Variants in STARD9 observed in about 807,000 individuals in gnomAD.
The protein encoded by STARD9 is stAR-related lipid transfer protein 9.
Under a neutral mutation model 399.8 loss-of-function variants are expected in STARD9, and 346 were observed. That is an observed-to-expected ratio of 0.87 (90% CI 0.79 to 0.95). STARD9 has a LOEUF of 0.95. Ranked by LOEUF, STARD9 falls within the 40% of genes least tolerant of loss-of-function variation. The probability of loss-of-function intolerance (pLI) is 0.00; values close to 1 mark genes in which losing one functional copy is unlikely to be tolerated. For synonymous variants in STARD9, 2,203 were observed against 2,143.5 expected (o/e 1.03, Z -0.77); for missense variants, 5,832 against 5,667.5 (o/e 1.03, Z -0.93).
chr15:42,652,541 T>G lies in STARD9; in HGVS notation c.651T>G (p.Val217=). ...ACAGAATCACAGCAGCCACCCATGT[T>G]CATGAGGCCAGCAGCAGATCCCACG... ...IANRITAATH[V]HEASSRSHAI... is the part of the protein sequence containing the mutation. Residue 217 remains valine (V), a synonymous_variant, in exon 9 of 33, where the codon GTT becomes GTG. Coordinates refer to ENST00000290607, the MANE Select transcript of STARD9 (RefSeq NM_020759.3). 6.5e-7 allele frequency: 1 copy of G among 1,537,536 alleles called. No individual in the cohort carries two copies. The highest frequency in any genetic ancestry group is 1.7e-4 in the Middle Eastern group (1 of 5,990).
intron 3 of STARD9, among the ~76,000 whole-genome samples, chr15:42,602,706 G>A (rs2058651960): frequency 2.0e-5 from 3 of 152,194 alleles, no homozygotes; most frequent in African/African-American, 7.2e-5. Flanking sequence ...GCAAACAGAG[G>A]TTAGGGTGAA....
At position 42,686,261 on chromosome 15, in the gene STARD9, A is replaced by G; in HGVS notation, c.4683A>G (p.Lys1561=). The G allele has an allele frequency of 2.0e-6, 3 of 1,537,788 alleles. No individual in the cohort carries two copies. The highest frequency in any genetic ancestry group is 2.6e-6 in the Non-Finnish European group (3 of 1,147,032). Residue 1561 remains lysine, a synonymous_variant, in exon 23 of 33, where the codon AAA becomes AAG. Transcript: ENST00000290607. ...GAATCAGGCGTTTGAGGGCAGAGAAAGAACAGGACAGTTTAAATGCCAAAT... is the reference window on the plus strand; with the variant it reads ...GAATCAGGCGTTTGAGGGCAGAGAAGGAACAGGACAGTTTAAATGCCAAAT... ...LSRIRRLRAE[K]EQDSLNAKLE...
intron 3 of STARD9, among the ~76,000 whole-genome samples, chr15:42,586,247 G>A (rs1049594102): frequency 6.6e-6 from 1 of 152,210 alleles, no homozygotes; most frequent in African/African-American, 2.4e-5. Context: ...GCTTGTACTT[G>A]TCCTCCTAGG....
intron 20 of STARD9, among the ~76,000 whole-genome samples, chr15:42,679,142 C>A (rs2060374156): frequency 6.6e-6 from 1 of 152,194 alleles, no homozygotes; most frequent in Non-Finnish European, 1.5e-5. Context: ...CAGCCTCTTG[C>A]ATCTGGTGGT....
intron 26 of STARD9, among the ~76,000 whole-genome samples, chr15:42,715,811 A>T (rs937997260): frequency 1.3e-5 from 2 of 151,798 alleles, no homozygotes; most frequent in African/African-American, 4.8e-5. Flanking sequence ...CGGCCCCCAA[A>T]TTTTTTTTTA....
chr15:42,716,478 G>C (rs1038093170), intron 26 of STARD9, among the ~76,000 whole-genome samples, 199 bp from the exon 27 acceptor site: 1 of 152,174 alleles, frequency 6.6e-6, no homozygotes, highest in Non-Finnish European at 1.5e-5. Context: ...GTGGCTTAGA[G>C]GGGGAGCAGA....
At chr15:42,676,056 TG>T in intron 20 of STARD9, 81 bp downstream of exon 20, 1 of 134,676 alleles carries the variant, frequency 7.4e-6, no homozygotes. Context: ...AGGGTGGGGG[TG>T]GGGGGTGATT....
At chr15:42,602,322 T>C (rs2058645746) in intron 3 of STARD9, among the ~76,000 whole-genome samples, 1 of 152,128 alleles carries the variant, frequency 6.6e-6, no homozygotes, top group African/African-American at 2.4e-5. Context: ...CAGTTGCAGG[T>C]TTTGATATAC....
chr15:42,602,623 G>T (rs1463212103), intron 3 of STARD9, among the ~76,000 whole-genome samples: 1 of 152,190 alleles, frequency 6.6e-6, no homozygotes, highest in Non-Finnish European at 1.5e-5. Context: ...GTGGTAGCTT[G>T]CAATCTGTCT....
At chr15:42,591,448 A>G (rs982349198) in intron 3 of STARD9, among the ~76,000 whole-genome samples, 2 of 151,770 alleles carry the variant, frequency 1.3e-5, no homozygotes, top group African/African-American at 4.8e-5. Flanking sequence ...AGATCGCACC[A>G]CTGCACTCCA....
Position 42,634,961 on chromosome 15 carries a change from C to G in STARD9, c.340C>G (p.Leu114Val). 9 of 1,531,004 alleles carry G rather than the reference C, an allele frequency of 5.9e-6. No individual in the cohort carries two copies. The highest frequency in any genetic ancestry group is 7.9e-6 in the Non-Finnish European group (9 of 1,141,936). The allele number at this position is 1,531,004 out of a possible 1,614,324, so 94.8% of individuals were successfully genotyped here. A position where few individuals can be genotyped will look rare whatever the true frequency, so the allele number is the denominator to read the frequency against. ...AGGCTCTGGGAAGACATATACCATG[C>G]TGGGGACCCCAGTGAGTATTACAAT... ...QTGSGKTYTM[L>V]GTPASVGLTP... The change falls in exon 4 of 33, where the codon CTG becomes GTG. Residue 114 changes from leucine (L) to valine (V), a missense_variant. Transcript: ENST00000290607.
In STARD9 at chr15:42,606,024, G is replaced by A. The variant is rs536788144; in HGVS notation, c.234+20387G>A. On this transcript the variant is annotated intron_variant, in intron 3 of 32. Coordinates refer to ENST00000290607, the MANE Select transcript of STARD9 (RefSeq NM_020759.3). Reference sequence around the variant, plus strand: ...CCCATGGAGTTTAGATTCAATTTCAGGGTTTGGAAAAGTTGTACTTAATTT... The same window carrying A: ...CCCATGGAGTTTAGATTCAATTTCAAGGTTTGGAAAAGTTGTACTTAATTT... Among the ~76,000 whole-genome samples, 5 of 152,278 alleles carry A rather than the reference G, an allele frequency of 3.3e-5. No individual in the cohort carries two copies. In the East Asian group the frequency reaches 9.6e-4, roughly 29 times the overall value.
At chr15:42,619,699 T>C (rs1382379538) in intron 3 of STARD9, among the ~76,000 whole-genome samples, 2 of 152,208 alleles carry the variant, frequency 1.3e-5, no homozygotes, top group East Asian at 1.9e-4. Flanking sequence ...AAGTGAGCAA[T>C]GGGAGAGTAG....
chr15:42,575,667 G>A lies in STARD9; in HGVS notation c.-49G>A. 6.5e-7 allele frequency: 1 copy of A among 1,532,276 alleles called. No homozygotes were observed. Among genetic ancestry groups the A allele is most frequent in the Non-Finnish European group, 8.7e-7 (1 of 1,143,928 alleles). 94.9% of individuals were successfully genotyped at this position (1,532,276 alleles called of 1,614,324 possible). A position where few individuals can be genotyped will look rare whatever the true frequency, so the allele number is the denominator to read the frequency against. On this transcript the variant is annotated 5_prime_UTR_variant, in exon 1 of 33. Transcript: ENST00000290607. The stretch of plus-strand genomic sequence containing the variant: ...GTGTCTGGGCTTAGGGCGGGGGCCT[G>A]GGATGCTGCCGCTGAGCTGACCCGC...
intron 3 of STARD9, among the ~76,000 whole-genome samples, chr15:42,614,129 G>T (rs2058909365): frequency 1.3e-5 from 2 of 152,000 alleles, no homozygotes; most frequent in Admixed American, 6.6e-5. Flanking sequence ...TGACCAACAT[G>T]GTGAAACCCC....
At chr15:42,713,707 C>T (rs1044735653) in intron 26 of STARD9, among the ~76,000 whole-genome samples, 6 of 151,970 alleles carry the variant, frequency 3.9e-5, no homozygotes, top group Non-Finnish European at 7.4e-5. Flanking sequence ...TTTTGTATGT[C>T]GAGCCAGCCC....
intron 9 of STARD9, among the ~76,000 whole-genome samples, chr15:42,653,728 T>C (rs2059809286): frequency 6.6e-6 from 1 of 152,176 alleles, no homozygotes; most frequent in African/African-American, 2.4e-5. Context: ...TCTTCTAGGC[T>C]GAAAGAAAGT....
intron 3 of STARD9, among the ~76,000 whole-genome samples, chr15:42,628,641 T>G (rs543442379): frequency 8.5e-5 from 13 of 152,350 alleles, no homozygotes; most frequent in Middle Eastern, 3.4e-3. Context: ...TTCATTCTTC[T>G]GCATGTGGAT....
chr15:42,576,951 C>T (rs904139848), intron 1 of STARD9, among the ~76,000 whole-genome samples: 1 of 152,076 alleles, frequency 6.6e-6, no homozygotes, highest in Non-Finnish European at 1.5e-5. Context: ...TGGTAAATGG[C>T]TTGTGACACC....
Sources: allele counts gnomAD v4.1 joint callset (sites outside exome capture counted in the v4.1 genomes callset), GRCh38; gene constraint gnomAD v4.1.1; transcripts MANE v1.5; gene names NCBI Gene and HGNC (gene_info 2026-07-23, HGNC 2026-07-21).